The following WDR59 variants were observed in gnomAD, a reference collection of about 807,000 sequenced individuals.
The protein encoded by WDR59 is WD repeat domain 59.
A neutral mutation model predicts 131.2 loss-of-function variants in WDR59; 100 were observed. The ratio of observed to expected loss-of-function variants is 0.76; its 90% CI spans 0.65 to 0.90. The LOEUF is 0.90. Among genes scored for constraint, WDR59 ranks in the 40% least tolerant of loss-of-function variants. The pLI is 0.00. For synonymous variants in WDR59, 601 were observed against 466.2 expected, an observed-to-expected ratio of 1.29 and a Z score of -3.72; for missense variants, 1,203 against 1,262.2, an observed-to-expected ratio of 0.95 and a Z score of 0.71.
intron 13 of WDR59, among the ~76,000 whole-genome samples, chr16:74,913,904 T>C (rs944140540): frequency 2.0e-5 from 3 of 152,202 alleles, no homozygotes; most frequent in Non-Finnish European, 4.4e-5. Flanking sequence ...CCAGATTATA[T>C]ACTTTAAAAA....
At position 74,908,935 on chromosome 16, in the gene WDR59, G is replaced by A. The variant is rs766144636; in HGVS notation, c.1685C>T (p.Ala562Val). 1.4e-5 allele frequency: 23 copies of A among 1,613,960 alleles called. No homozygotes were observed. The highest frequency in any genetic ancestry group is 6.7e-5 in the East Asian group (3 of 44,896). Residue 562 changes from alanine to valine, a missense_variant, in exon 17 of 26, where the codon GCG (alanine) becomes GTG (valine). Physicochemically the swap from Ala to Val is moderately conservative, Grantham distance 64. Coordinates refer to ENST00000262144, the MANE Select transcript of WDR59 (RefSeq NM_030581.4). ...CGGAGTAGGCTCTGTGGGAGACACCGCCCGATGCATTGTCATGGGCCTTGT... is the reference window on the plus strand; with the variant it reads ...CGGAGTAGGCTCTGTGGGAGACACCACCCGATGCATTGTCATGGGCCTTGT... ...YFTRPMTMHR[A>V]VSPTEPTPRS...
intron 4 of WDR59, 129 bp from the exon 5 acceptor site, chr16:74,949,927 G>A (rs932406122): frequency 1.2e-6 from 1 of 852,528 alleles, no homozygotes; most frequent in Non-Finnish European, 1.9e-6. Flanking sequence ...ATGTGGTTTA[G>A]GCTGAGAATC....
At chr16:74,891,816 C>T (rs565463165) in intron 20 of WDR59, among the ~76,000 whole-genome samples, 5 of 152,216 alleles carry the variant, frequency 3.3e-5, no homozygotes, top group East Asian at 1.9e-4. Context: ...CCCCGCTACT[C>T]GGGAGGCTGA....
chr16:74,909,390 G>T, intron 16 of WDR59, 111 bp downstream of exon 16: 1 of 1,350,264 alleles, frequency 7.4e-7, no homozygotes, highest in Non-Finnish European at 9.7e-7. Flanking sequence ...TCTCGTTTGA[G>T]TTCTCGGGAG....
intron 21 of WDR59, among the ~76,000 whole-genome samples, 167 bp from the exon 22 acceptor site, chr16:74,888,486 C>T (rs1483218059): frequency 6.6e-6 from 1 of 152,160 alleles, no homozygotes; most frequent in Non-Finnish European, 1.5e-5. Flanking sequence ...GGCAGTTTGA[C>T]CTACTTTGAG....
intron 25 of WDR59, among the ~76,000 whole-genome samples, chr16:74,877,664 C>T (rs1011279107): frequency 1.1e-4 from 17 of 152,172 alleles, no homozygotes; most frequent in African/African-American, 3.9e-4. Flanking sequence ...TCTGCCTCAG[C>T]CTCCTGAGTG....
rs1964213403 is a variant in WDR59, at chr16:74,876,378, C to T, written c.2690-1934G>A. Among the ~76,000 whole-genome samples the T allele has an allele frequency of 3.3e-5, 5 of 152,142 alleles. No homozygotes were observed. The South Asian group carries it at 1.0e-3, about 31-fold the overall frequency. ...GTTGAAAACTCTCAAATTTTCATTA[C>T]TGGTTTTATTGGCCAACATTATGAG... On this transcript the variant is annotated intron_variant, in intron 25 of 25. Coordinates refer to ENST00000262144, the MANE Select transcript of WDR59 (RefSeq NM_030581.4).
At chr16:74,905,007 G>A (rs1415057510) in intron 17 of WDR59, among the ~76,000 whole-genome samples, 1 of 152,156 alleles carries the variant, frequency 6.6e-6, no homozygotes, top group Non-Finnish European at 1.5e-5. Context: ...AATTTGAAAT[G>A]GATCACAGAC....
At chr16:74,955,057 C>T (rs1051545984) in intron 3 of WDR59, among the ~76,000 whole-genome samples, 7 of 152,192 alleles carry the variant, frequency 4.6e-5, no homozygotes, top group African/African-American at 1.7e-4. Context: ...GGTTATACAA[C>T]ATGTGAATGC....
At position 74,903,951 on chromosome 16, in the gene WDR59, T is replaced by A. The variant is rs778568261; in HGVS notation, c.1862A>T (p.Glu621Val). Residue 621 changes from glutamate (E) to valine (V), a missense_variant, in exon 18 of 26, where the codon GAG (glutamate) becomes GTG (valine). Glu to Val is a moderately radical substitution (Grantham distance 121). Transcript: ENST00000262144. ...GGCTACGGCTCTGGCACTTACCCGC[T>A]CCTTGTAGTAGAAGGAGCTGATGGA... ...QVSISSFYYK[E>V]RKSRRWKSKR... 1.2e-6 allele frequency: 2 copies of A among 1,607,330 alleles called. No homozygotes were observed. The highest frequency in any genetic ancestry group is 2.2e-4 in the Middle Eastern group (1 of 4,602).
At chr16:74,928,291 G>C (rs1375325898) in intron 8 of WDR59, among the ~76,000 whole-genome samples, 1 of 145,890 alleles carries the variant, frequency 6.9e-6, no homozygotes, top group Non-Finnish European at 1.5e-5. Context: ...ATGGCTCACT[G>C]TAGCCTTGAC....
intron 1 of WDR59, among the ~76,000 whole-genome samples, chr16:74,969,602 T>C (rs1450792339): frequency 6.6e-6 from 1 of 151,170 alleles, no homozygotes; most frequent in Non-Finnish European, 1.5e-5. Flanking sequence ...GAGATGGAGT[T>C]TCACTCTCGT....
intron 23 of WDR59, 76 bp from the exon 24 acceptor site, chr16:74,886,472 A>G (rs1829488099): frequency 6.5e-7 from 1 of 1,547,858 alleles, no homozygotes; most frequent in African/African-American, 1.4e-5. Flanking sequence ...CTCATAAGAC[A>G]GCACGTGGCC....
At chr16:74,947,371 T>C (rs1237824468) in intron 6 of WDR59, among the ~76,000 whole-genome samples, 1 of 152,108 alleles carries the variant, frequency 6.6e-6, no homozygotes. Flanking sequence ...AGCAAAACTC[T>C]GTCTCAAAAA....
intron 1 of WDR59, among the ~76,000 whole-genome samples, chr16:74,979,324 G>C (rs563011692): frequency 6.6e-6 from 1 of 151,858 alleles, no homozygotes; most frequent in African/African-American, 2.4e-5. Flanking sequence ...AAATTAGCCA[G>C]GCATGGTGGC....
In WDR59 at chr16:74,949,923, T is replaced by C. The variant is rs1161475762; in HGVS notation, c.327-125A>G. On this transcript the variant is annotated intron_variant, in intron 4 of 25. Transcript: ENST00000262144. ...ATCATTAACGGGCTTCTTAATGTGG[T>C]TTAGGCTGAGAATCTCCAAAGTTCC... is the stretch of plus-strand genomic sequence containing the variant. 6 of 874,114 alleles carry C rather than the reference T, an allele frequency of 6.9e-6. No homozygotes were observed. The Admixed American group carries it at 8.1e-5, about 12-fold the overall frequency. The allele number at this position is 874,114 out of a possible 1,614,324, so 54.1% of individuals were successfully genotyped here.
At chr16:74,915,266 A>G (rs906027726) in intron 13 of WDR59, among the ~76,000 whole-genome samples, 8 of 152,154 alleles carry the variant, frequency 5.3e-5, no homozygotes, top group Non-Finnish European at 1.2e-4. Flanking sequence ...TCCAGGGCCT[A>G]AGTATCTTCC....
At chr16:74,913,083 G>A (rs984672662) in intron 13 of WDR59, among the ~76,000 whole-genome samples, 2 of 134,810 alleles carry the variant, frequency 1.5e-5, no homozygotes, top group Non-Finnish European at 3.2e-5. Context: ...GGGGGGGGGG[G>A]GCCTGTTCCC....
intron 21 of WDR59, among the ~76,000 whole-genome samples, chr16:74,889,028 A>C (rs923098169): frequency 3.3e-5 from 5 of 152,240 alleles, no homozygotes; most frequent in Admixed American, 6.5e-5. Context: ...ACACGAAATA[A>C]GTAGAGTAAA....
Sources: gnomAD v4.1 joint callset for allele counts (sites outside exome capture counted in the v4.1 genomes callset) on GRCh38, gnomAD v4.1.1 for gene constraint, MANE v1.5 for transcripts, NCBI Gene and HGNC (gene_info 2026-07-23, HGNC 2026-07-21) for gene names.